KDM4B: variants seen among roughly 807,000 people sequenced by gnomAD.
KDM4B encodes the protein lysine-specific demethylase 4B.
Under a neutral mutation model 125.2 loss-of-function variants are expected in KDM4B, and 32 were observed. The ratio of observed to expected loss-of-function variants is 0.26; its 90% CI spans 0.19 to 0.34. The LOEUF (loss-of-function observed/expected upper bound fraction) is 0.34, where lower values mean the gene tolerates loss of function less well. KDM4B is among the 10% of genes least tolerant of loss of function. The probability of loss-of-function intolerance (pLI) is 1.00; values close to 1 mark genes in which losing one functional copy is unlikely to be tolerated. For missense variants in KDM4B, 1,190 were observed against 1,577.7 expected (o/e 0.75, Z 4.16); for synonymous variants, 721 against 677.9 (o/e 1.06, Z -0.99).
chr19:4,969,952 C>G (rs181791487), intron 1 of KDM4B, among the ~76,000 whole-genome samples: 164 of 152,338 alleles, frequency 1.1e-3, no homozygotes, highest in Admixed American at 1.9e-3. Context: ...CGTCCCTCCC[C>G]CTTCCAGCCT....
chr19:5,021,151 A>AG (rs1474932378), intron 2 of KDM4B, among the ~76,000 whole-genome samples: 3 of 112,046 alleles, frequency 2.7e-5, no homozygotes, highest in South Asian at 3.2e-4. Context: ...CAAAAAAAAA[A>AG]AAAAAAGAAA....
At chr19:5,135,593 C>A in intron 15 of KDM4B, 32 bp downstream of exon 15, 1 of 1,523,160 alleles carries the variant, frequency 6.6e-7, no homozygotes, top group Non-Finnish European at 8.9e-7. Context: ...AGAGGAGCTG[C>A]GCCCTCCTTC....
At chr19:5,064,621 T>C (rs1250816908) in intron 6 of KDM4B, among the ~76,000 whole-genome samples, 3 of 152,126 alleles carry the variant, frequency 2.0e-5, no homozygotes, top group Non-Finnish European at 4.4e-5. Context: ...CCTTACACTA[T>C]GATGTCCCGT....
At chr19:5,073,283 C>T (rs889549294) in intron 7 of KDM4B, among the ~76,000 whole-genome samples, 3 of 152,248 alleles carry the variant, frequency 2.0e-5, no homozygotes, top group African/African-American at 7.2e-5. Context: ...CTGCTGCAGG[C>T]ATGACACCCC....
At chr19:5,012,342 G>T (rs2035755129) in intron 1 of KDM4B, among the ~76,000 whole-genome samples, 1 of 152,222 alleles carries the variant, frequency 6.6e-6, no homozygotes, top group East Asian at 1.9e-4. Context: ...CCTGCCTGTT[G>T]TGGCGCATTT....
chr19:5,012,097 C>G (rs889959622), intron 1 of KDM4B, among the ~76,000 whole-genome samples: 106 of 152,254 alleles, frequency 7.0e-4, no homozygotes, highest in African/African-American at 2.4e-3. Context: ...GCGGTGGGCT[C>G]CCCTTGCCAG....
At chr19:5,053,990 C>T (rs1411251035) in intron 6 of KDM4B, among the ~76,000 whole-genome samples, 1 of 152,268 alleles carries the variant, frequency 6.6e-6, no homozygotes, top group Non-Finnish European at 1.5e-5. Context: ...TGTCCCAATC[C>T]TCTGCTTCTG....
intron 1 of KDM4B, among the ~76,000 whole-genome samples, chr19:5,011,474 G>T (rs73540684): frequency 0.012 from 1,880 of 152,318 alleles, 46 homozygotes; most frequent in South Asian, 0.065. Flanking sequence ...CCTGTAAGGG[G>T]TACGCAGAGC....
At position 4,979,511 on chromosome 19, in the gene KDM4B, G is replaced by A. The variant is rs147061117; in HGVS notation, c.-109+10281G>A. On this transcript the variant is annotated intron_variant, in intron 1 of 22. Coordinates refer to ENST00000159111, the MANE Select transcript of KDM4B (RefSeq NM_015015.3). ...AAGCCCACCTGGCATGCTGGAGGCA[G>A]CTGGGCACCCAGGCTCTGGGGTGTC... Among the ~76,000 whole-genome samples the A allele has an allele frequency of 9.6e-4, 147 of 152,352 alleles. 3 individuals carry two copies. The highest frequency in any genetic ancestry group is 3.4e-3 in the African/African-American group (141 of 41,594).
intron 21 of KDM4B, among the ~76,000 whole-genome samples, chr19:5,148,103 C>T (rs959509920): frequency 2.6e-5 from 4 of 152,228 alleles, no homozygotes; most frequent in Admixed American, 6.5e-5. Flanking sequence ...CGTGACCCCT[C>T]GAGATGCTTC....
intron 2 of KDM4B, among the ~76,000 whole-genome samples, chr19:5,030,990 C>T (rs1390518619): frequency 6.6e-6 from 1 of 152,228 alleles, no homozygotes; most frequent in Non-Finnish European, 1.5e-5. Context: ...CTGACAGGTG[C>T]CTTGGCAGCT....
At chr19:5,073,771 G>A (rs931416601) in intron 7 of KDM4B, among the ~76,000 whole-genome samples, 9 of 152,152 alleles carry the variant, frequency 5.9e-5, no homozygotes, top group Non-Finnish European at 1.2e-4. Context: ...TGGGTGAGGG[G>A]GAGCCAGGGA....
intron 9 of KDM4B, among the ~76,000 whole-genome samples, chr19:5,101,097 C>T (rs2038922037): frequency 6.6e-6 from 1 of 151,762 alleles, no homozygotes; most frequent in South Asian, 2.1e-4. Flanking sequence ...CGGTGGGTGC[C>T]TGTAATCCCA....
At chr19:5,145,241 G>A (rs1386932161) in intron 21 of KDM4B, among the ~76,000 whole-genome samples, 1 of 151,198 alleles carries the variant, frequency 6.6e-6, no homozygotes, top group Non-Finnish European at 1.5e-5. Flanking sequence ...AATCAAATTG[G>A]TAGTGAGTTT....
Position 5,115,613 on chromosome 19 carries a change from C to T in KDM4B, c.1116-4040C>T, listed in dbSNP as rs2039239986. On this transcript the variant is annotated intron_variant, in intron 10 of 22. Transcript: ENST00000159111. This position sits in a 1 kb window ranked among gnomAD's most constrained non-coding sequence, Gnocchi z 4.2. Reference sequence around the variant, plus strand: ...AGGGGACCCGACACATTGGAGGCTGCGCTCCCATGACAAAGGCAGGGCCTG... The same window carrying T: ...AGGGGACCCGACACATTGGAGGCTGTGCTCCCATGACAAAGGCAGGGCCTG... Among the ~76,000 whole-genome samples, 1 of 152,220 alleles carries T rather than the reference C, an allele frequency of 6.6e-6. No homozygotes were observed. Among genetic ancestry groups the T allele is most frequent in the Non-Finnish European group, 1.5e-5 (1 of 68,042 alleles).
intron 17 of KDM4B, 102 bp downstream of exon 17, chr19:5,137,778 C>T (rs2039675320): frequency 9.5e-6 from 11 of 1,160,100 alleles, no homozygotes; most frequent in Non-Finnish European, 1.2e-5. Context: ...TGACCATCAC[C>T]TCCACATAAC....
At chr19:5,089,981 C>T (rs779299133) in intron 9 of KDM4B, among the ~76,000 whole-genome samples, 13 of 152,210 alleles carry the variant, frequency 8.5e-5, no homozygotes, top group South Asian at 2.1e-4. Flanking sequence ...CCGGCCTGGG[C>T]AACATAGTGA....
Position 4,970,019 on chromosome 19 carries a change from C to T in KDM4B, c.-109+789C>T, listed in dbSNP as rs369701262. On this transcript the variant is annotated intron_variant, in intron 1 of 22. Transcript: ENST00000159111. ...GAGAAATGAATTGAGGAGTTGCTTC[C>T]GCCGAGACCCCTTTTCTGTGTCCCC... 3.3e-5 allele frequency among the ~76,000 whole-genome samples: 5 copies of T among 152,246 alleles called. No homozygotes were observed. In the East Asian group the frequency reaches 7.7e-4, roughly 24 times the overall value.
intron 3 of KDM4B, among the ~76,000 whole-genome samples, chr19:5,037,683 C>T (rs76672153): frequency 0.012 from 1,806 of 152,320 alleles, 23 homozygotes; most frequent in Middle Eastern, 0.1. Context: ...TCTGGGGTGG[C>T]GCCATCCTGG....
Sources: gnomAD v4.1 joint callset for allele counts (sites outside exome capture counted in the v4.1 genomes callset) on GRCh38, gnomAD v4.1.1 for gene constraint, Gnocchi (gnomAD v3.1) non-coding constraint, MANE v1.5 for transcripts, NCBI Gene and HGNC (gene_info 2026-07-23, HGNC 2026-07-21) for gene names.